Variants in RNF13 observed in about 807,000 individuals in gnomAD.
The protein encoded by RNF13 is E3 ubiquitin-protein ligase RNF13.
In RNF13, 19 loss-of-function variants were observed where a neutral mutation model predicts 37.7. That is an observed-to-expected ratio of 0.50 (90% confidence interval 0.35 to 0.74). RNF13 has a LOEUF of 0.74. Ranked by LOEUF, RNF13 falls within the 30% of genes least tolerant of loss-of-function variation. The pLI is 0.01. For missense variants in RNF13, 375 were observed against 453.0 expected, an observed-to-expected ratio of 0.83 and a Z score of 1.56; for synonymous variants, 144 against 157.8, an observed-to-expected ratio of 0.91 and a Z score of 0.65.
chr3:149,865,329 G>GATATATATATAT lies in RNF13; in HGVS notation c.196-6689_196-6678dup, dbSNP rs3028509. Among the ~76,000 whole-genome samples the GATATATATATAT allele has an allele frequency of 8.7e-3, 1,205 of 139,052 alleles. 7 individuals are homozygous for GATATATATATAT. Among genetic ancestry groups the GATATATATATAT allele is most frequent in the Middle Eastern group, 0.019 (5 of 266 alleles). 91.2% of individuals were successfully genotyped at this position (139,052 alleles called of 152,430 possible). A position where few individuals can be genotyped will look rare whatever the true frequency, so the allele number is the denominator to read the frequency against. Reference sequence around the variant, plus strand: ...GAAACTTCTTTCTAGATGTTTTGGTGATATATATATATATATATATATGTA... The same window carrying GATATATATATAT: ...GAAACTTCTTTCTAGATGTTTTGGTGATATATATATATATATATATATATATATATATATGTA... On this transcript the variant is annotated intron_variant, in intron 3 of 9. Transcript: ENST00000392894.
At chr3:149,835,596 A>G (rs1721514367) in intron 1 of RNF13, among the ~76,000 whole-genome samples, 1 of 150,760 alleles carries the variant, frequency 6.6e-6, no homozygotes, top group Non-Finnish European at 1.5e-5. Context: ...TGCAAATGCC[A>G]TTAATTAATT....
intron 4 of RNF13, among the ~76,000 whole-genome samples, chr3:149,881,342 T>G (rs1713371584): frequency 6.6e-6 from 1 of 152,190 alleles, no homozygotes; most frequent in African/African-American, 2.4e-5. Context: ...GATCTTTGTT[T>G]TTTTTTGAGA....
At chr3:149,899,685 A>G (rs1035286626) in intron 5 of RNF13, among the ~76,000 whole-genome samples, 2 of 152,170 alleles carry the variant, frequency 1.3e-5, no homozygotes, top group Non-Finnish European at 2.9e-5. Context: ...GAGAAGTGGT[A>G]GGAATATGGC....
intron 4 of RNF13, among the ~76,000 whole-genome samples, chr3:149,882,197 G>A (rs1262067758): frequency 2.1e-5 from 3 of 145,582 alleles, no homozygotes; most frequent in Admixed American, 6.9e-5. Context: ...GTCACATTTG[G>A]TGAAAAGGTG....
chr3:149,866,985 A>G (rs1711498598), intron 3 of RNF13, among the ~76,000 whole-genome samples: 1 of 152,132 alleles, frequency 6.6e-6, no homozygotes, highest in Non-Finnish European at 1.5e-5. Context: ...GATAAAAATA[A>G]TGTCTTTTCT....
intron 4 of RNF13, among the ~76,000 whole-genome samples, chr3:149,872,520 A>G (rs1366499338): frequency 6.6e-6 from 1 of 152,230 alleles, no homozygotes; most frequent in Non-Finnish European, 1.5e-5. Context: ...GCCCCTGTGT[A>G]AAGTTTTTTC....
intron 8 of RNF13, among the ~76,000 whole-genome samples, chr3:149,951,999 CTT>C (rs1721391246): frequency 6.6e-6 from 1 of 152,154 alleles, no homozygotes; most frequent in African/African-American, 2.4e-5. Context: ...TTCTCCTTCT[CTT>C]GTCATTCCCT....
chr3:149,841,077 T>C (rs1185200449), intron 1 of RNF13, among the ~76,000 whole-genome samples: 2 of 152,222 alleles, frequency 1.3e-5, no homozygotes, highest in East Asian at 3.8e-4. Flanking sequence ...TTTATGTTTT[T>C]GTAATAAGCT....
intron 1 of RNF13, among the ~76,000 whole-genome samples, chr3:149,815,494 T>A: frequency 6.6e-6 from 1 of 152,236 alleles, no homozygotes; most frequent in East Asian, 1.9e-4. Flanking sequence ...ATGTTTACCA[T>A]ATGGCATTGC....
At chr3:149,956,277 T>C (rs1430677943) in intron 8 of RNF13, among the ~76,000 whole-genome samples, 3 of 152,140 alleles carry the variant, frequency 2.0e-5, no homozygotes, top group Non-Finnish European at 2.9e-5. Flanking sequence ...TAGCATAATC[T>C]AGAAGATTAG....
intron 6 of RNF13, among the ~76,000 whole-genome samples, chr3:149,908,818 G>T (rs1716688888): frequency 6.6e-6 from 1 of 152,174 alleles, no homozygotes; most frequent in African/African-American, 2.4e-5. Context: ...GTCAACAGAA[G>T]GATGGGGAAA....
At chr3:149,826,797 C>T (rs1182236908) in intron 1 of RNF13, among the ~76,000 whole-genome samples, 1 of 152,198 alleles carries the variant, frequency 6.6e-6, no homozygotes, top group East Asian at 1.9e-4. Context: ...TGCTCTGTCA[C>T]CCAGGCTGGA....
At chr3:149,930,373 G>T (rs1345890263) in intron 8 of RNF13, among the ~76,000 whole-genome samples, 1 of 152,186 alleles carries the variant, frequency 6.6e-6, no homozygotes, top group Admixed American at 6.5e-5. Flanking sequence ...AAATTGCTGA[G>T]ATTTTGATTG....
chr3:149,931,326 G>C (rs1719142041), intron 8 of RNF13, among the ~76,000 whole-genome samples: 1 of 152,084 alleles, frequency 6.6e-6, no homozygotes, highest in Non-Finnish European at 1.5e-5. Flanking sequence ...GCCTCCCAAA[G>C]TGCTGGGATT....
chr3:149,895,226 C>A, intron 4 of RNF13: 1 of 332,396 alleles, frequency 3.0e-6, no homozygotes, highest in Non-Finnish European at 5.4e-6. Context: ...GTAATTTGCT[C>A]AAGTTCATCC....
chr3:149,851,132 C>T (rs1031528264), intron 2 of RNF13: 5 of 152,202 alleles, frequency 3.3e-5, no homozygotes, highest in Admixed American at 2.0e-4. Flanking sequence ...TGCTAAGACA[C>T]TCAAGATAGG....
In RNF13 at chr3:149,961,215, T is replaced by G; in HGVS notation, c.*111T>G. 1 of 977,534 alleles carries G rather than the reference T, an allele frequency of 1.0e-6. No homozygotes were observed. Among genetic ancestry groups the G allele is most frequent in the Non-Finnish European group, 1.5e-6 (1 of 660,160 alleles). The allele number at this position is 977,534 out of a possible 1,614,324, so 60.6% of individuals were successfully genotyped here. On this transcript the variant is annotated 3_prime_UTR_variant, in exon 10 of 10. Coordinates refer to ENST00000392894, the MANE Select transcript of RNF13 (RefSeq NM_183381.3). Reference sequence around the variant, plus strand: ...GTAGAAATAACTTATTTTTTAGTATTCTACAGTTTAATCAAATTACTGAAA... The same window carrying G: ...GTAGAAATAACTTATTTTTTAGTATGCTACAGTTTAATCAAATTACTGAAA...
At chr3:149,836,717 T>C (rs982724333) in intron 1 of RNF13, among the ~76,000 whole-genome samples, 3 of 152,128 alleles carry the variant, frequency 2.0e-5, no homozygotes, top group Non-Finnish European at 4.4e-5. Context: ...TCAGTTATTT[T>C]TTTCACAATA....
chr3:149,879,289 A>G (rs1559924994), intron 4 of RNF13, among the ~76,000 whole-genome samples: 1 of 149,744 alleles, frequency 6.7e-6, no homozygotes, highest in African/African-American at 2.5e-5. Context: ...ACTTCATTAA[A>G]GACCTTGTTA....
Sources: allele counts gnomAD v4.1 joint callset (sites outside exome capture counted in the v4.1 genomes callset), GRCh38; gene constraint gnomAD v4.1.1; transcripts MANE v1.5; gene names NCBI Gene and HGNC (gene_info 2026-07-23, HGNC 2026-07-21).